Variants in CRB1 observed in about 807,000 individuals in gnomAD.
The protein encoded by CRB1 is protein crumbs homolog 1.
A neutral mutation model predicts 120.0 loss-of-function variants in CRB1; 83 were observed. The observed-to-expected ratio is 0.69, with a 90% CI of 0.58 to 0.83. The LOEUF (loss-of-function observed/expected upper bound fraction) is 0.83. CRB1 is among the 40% of genes least tolerant of loss of function. The probability of loss-of-function intolerance (pLI) is 0.00; values close to 1 mark genes in which losing one functional copy is unlikely to be tolerated. For synonymous variants in CRB1, 625 were observed against 612.5 expected, an observed-to-expected ratio of 1.02 and a Z score of -0.30; for missense variants, 1,699 against 1,687.6, an observed-to-expected ratio of 1.01 and a Z score of -0.12.
intron 8 of CRB1, among the ~76,000 whole-genome samples, chr1:197,434,392 GT>G (rs1181267925): frequency 2.0e-5 from 3 of 152,136 alleles, no homozygotes; most frequent in African/African-American, 7.2e-5. Context: ...GAAATGTATA[GT>G]TTTGGTTTTG....
Position 197,438,653 on chromosome 1 carries a change from C to T in CRB1, c.3856C>T (p.Arg1286Trp), listed in dbSNP as rs754054234. 3.5e-5 allele frequency: 56 copies of T among 1,612,126 alleles called. No homozygotes were observed. Among genetic ancestry groups the T allele is most frequent in the Non-Finnish European group, 4.5e-5 (53 of 1,178,662 alleles). ...CCAGACTGAATTAAAATGTATGTGCCGGCCAGGTTTTACTGGAGAATGGTG... is the reference window on the plus strand; with the variant it reads ...CCAGACTGAATTAAAATGTATGTGCTGGCCAGGTTTTACTGGAGAATGGTG... The part of the protein sequence containing the change: ...EFQTELKCMC[R>W]PGFTGEWCEK... The change falls in exon 10 of 12, where the codon CGG becomes TGG. Residue 1286 changes from arginine to tryptophan, a missense_variant. Transcript: ENST00000367400.
intron 5 of CRB1, among the ~76,000 whole-genome samples, chr1:197,369,996 C>A (rs923191562): frequency 4.6e-5 from 7 of 152,080 alleles, no homozygotes; most frequent in Non-Finnish European, 8.8e-5. Context: ...ATTGCTTCAT[C>A]TAGGAAATTA....
intron 5 of CRB1, among the ~76,000 whole-genome samples, chr1:197,398,330 G>T (rs528204791): frequency 6.6e-6 from 1 of 152,058 alleles, no homozygotes; most frequent in African/African-American, 2.4e-5. Context: ...CTTATGACTC[G>T]TTTGTTTTAA....
chr1:197,218,388 A>G, the CRB1 span, among the ~76,000 whole-genome samples: 2 of 152,300 alleles, frequency 1.3e-5, no homozygotes, highest in African/African-American at 4.8e-5. Context: ...ATTAGTGAAG[A>G]AAGTGCCTTT....
chr1:197,263,342 C>G (rs1339487445), upstream of CRB1, among the ~76,000 whole-genome samples: 1 of 152,130 alleles, frequency 6.6e-6, no homozygotes, highest in African/African-American at 2.4e-5. Flanking sequence ...TGAGAAGTGT[C>G]TGTTCATGTC....
At chr1:197,290,302 G>GTA (rs959857901) in intron 1 of CRB1, among the ~76,000 whole-genome samples, 1 of 150,736 alleles carries the variant, frequency 6.6e-6, no homozygotes, top group African/African-American at 2.4e-5. Context: ...GTGTGTGTGT[G>GTA]TGTTTGAAGA....
the CRB1 span, among the ~76,000 whole-genome samples, chr1:197,227,272 G>C: frequency 3.3e-5 from 5 of 152,104 alleles, no homozygotes; most frequent in Non-Finnish European, 7.3e-5. Flanking sequence ...GATACAATGG[G>C]GGTACAGGTA....
At chr1:197,390,631 T>C (rs1662452914) in intron 5 of CRB1, among the ~76,000 whole-genome samples, 4 of 152,148 alleles carry the variant, frequency 2.6e-5, no homozygotes, top group African/African-American at 9.7e-5. Context: ...ACATGATACC[T>C]TGTTTTGTTT....
At chr1:197,265,952 T>C (rs1654621371), upstream of CRB1, among the ~76,000 whole-genome samples, 1 of 152,178 alleles carries the variant, frequency 6.6e-6, no homozygotes, top group African/African-American at 2.4e-5. Context: ...TTAAAACCTA[T>C]TAATGGTGTC....
the CRB1 span, among the ~76,000 whole-genome samples, chr1:197,239,233 C>T: frequency 6.6e-6 from 1 of 151,716 alleles, no homozygotes; most frequent in Non-Finnish European, 1.5e-5. Context: ...GATTATATTG[C>T]CTTATGTTGT....
At chr1:197,438,754 T>C (rs1665286943) in intron 10 of CRB1, 79 bp downstream of exon 10, 1 of 1,539,096 alleles carries the variant, frequency 6.5e-7, no homozygotes, top group Non-Finnish European at 8.9e-7. Context: ...TTTTCTCCTC[T>C]AATTTTTTAT....
intron 5 of CRB1, among the ~76,000 whole-genome samples, chr1:197,372,234 C>A (rs1661408231): frequency 6.6e-6 from 1 of 152,084 alleles, no homozygotes; most frequent in African/African-American, 2.4e-5. Flanking sequence ...GTACATAAGT[C>A]CCAGGGGCAC....
chr1:197,425,166 C>T (rs1385078196), intron 6 of CRB1, among the ~76,000 whole-genome samples: 1 of 152,168 alleles, frequency 6.6e-6, no homozygotes, highest in Non-Finnish European at 1.5e-5. Flanking sequence ...GCCAAATTTT[C>T]TTATTAAGCA....
At chr1:197,349,968 C>T (rs557369142) in intron 4 of CRB1, among the ~76,000 whole-genome samples, 9 of 151,674 alleles carry the variant, frequency 5.9e-5, no homozygotes, top group Non-Finnish European at 8.8e-5. Flanking sequence ...GGCGCGGTGG[C>T]GGGCGCCTGT....
At chr1:197,354,010 T>A (rs1392718240) in intron 4 of CRB1, among the ~76,000 whole-genome samples, 8 of 125,376 alleles carry the variant, frequency 6.4e-5, no homozygotes, top group African/African-American at 1.2e-4. Flanking sequence ...CAGGAAAAAA[T>A]ATGAAATGGT....
chr1:197,284,600 T>A (rs1655717811), intron 1 of CRB1, among the ~76,000 whole-genome samples: 1 of 151,910 alleles, frequency 6.6e-6, no homozygotes, highest in Admixed American at 6.6e-5. Context: ...GGTAAATATC[T>A]AACTATTCCT....
chr1:197,429,078 C>T lies in CRB1; in HGVS notation c.2677-371C>T, dbSNP rs781236636. 4.0e-6 allele frequency: 6 copies of T among 1,503,344 alleles called. No individual in the cohort carries two copies. In the South Asian group the frequency reaches 6.0e-5, roughly 15 times the overall value. The allele number at this position is 1,503,344 out of a possible 1,614,324, so 93.1% of individuals were successfully genotyped here. A position where few individuals can be genotyped will look rare whatever the true frequency, so the allele number is the denominator to read the frequency against. On this transcript the variant is annotated intron_variant, in intron 7 of 11. Coordinates refer to ENST00000367400, the MANE Select transcript of CRB1 (RefSeq NM_201253.3). ...GTGTAGGATCTTGGGCAACTGGAAA[C>T]ACCTTCTTTTTATCATCTATAAAAC...
At chr1:197,335,141 A>T (rs1659080494) in intron 2 of CRB1, among the ~76,000 whole-genome samples, 1 of 152,188 alleles carries the variant, frequency 6.6e-6, no homozygotes, top group African/African-American at 2.4e-5. Flanking sequence ...TGAGGTAAAG[A>T]GTCCTTGCAA....
chr1:197,266,278 C>T (rs1404872046), upstream of CRB1, among the ~76,000 whole-genome samples: 1 of 151,976 alleles, frequency 6.6e-6, no homozygotes, highest in African/African-American at 2.4e-5. Flanking sequence ...ATCAAGGTAC[C>T]AGCAAATTTG....
Sources: allele counts gnomAD v4.1 joint callset (sites outside exome capture counted in the v4.1 genomes callset), GRCh38; gene constraint gnomAD v4.1.1; transcripts MANE v1.5; gene names NCBI Gene and HGNC (gene_info 2026-07-23, HGNC 2026-07-21).